Variants in GALNT13 observed in about 807,000 individuals in gnomAD.
GALNT13 encodes the protein polypeptide N-acetylgalactosaminyltransferase 13.
Under a neutral mutation model 64.2 loss-of-function variants are expected in GALNT13, and 28 were observed. The ratio of observed to expected loss-of-function variants is 0.44; its 90% CI spans 0.32 to 0.60. GALNT13 has a LOEUF of 0.60. Ranked by LOEUF, GALNT13 falls within the 20% of genes least tolerant of loss-of-function variation. The probability of loss-of-function intolerance (pLI) is 0.05; values close to 1 mark genes in which losing one functional copy is unlikely to be tolerated. For synonymous variants in GALNT13, 214 were observed against 224.6 expected (o/e 0.95, Z 0.42); for missense variants, 577 against 669.8 (o/e 0.86, Z 1.53).
At chr2:153,373,211 T>G in the GALNT13 span, among the ~76,000 whole-genome samples, 1 of 151,858 alleles carries the variant, frequency 6.6e-6, no homozygotes, top group East Asian at 1.9e-4. Context: ...CAATCATTAC[T>G]TCCTGGGAGA....
At chr2:153,537,344 AC>A in the GALNT13 span, among the ~76,000 whole-genome samples, 2 of 152,194 alleles carry the variant, frequency 1.3e-5, no homozygotes, top group Non-Finnish European at 2.9e-5. Flanking sequence ...TGTGTCAACC[AC>A]CAGGCAAGAG....
At chr2:154,241,018 G>A (rs1265193734) in intron 4 of GALNT13, among the ~76,000 whole-genome samples, 1 of 152,132 alleles carries the variant, frequency 6.6e-6, no homozygotes. Context: ...GCCGGTGCCT[G>A]CTGGTGCATC....
chr2:154,421,965 A>T (rs1345891496), intron 11 of GALNT13, among the ~76,000 whole-genome samples: 1 of 152,084 alleles, frequency 6.6e-6, no homozygotes, highest in Non-Finnish European at 1.5e-5. Context: ...AAAAGTTCTG[A>T]TAAGGACAGG....
At chr2:153,823,496 T>C in the GALNT13 span, among the ~76,000 whole-genome samples, 4 of 152,100 alleles carry the variant, frequency 2.6e-5, no homozygotes, top group African/African-American at 9.6e-5. Flanking sequence ...CTTGACAAAG[T>C]TGACAAAAGC....
At chr2:153,487,619 C>T in the GALNT13 span, among the ~76,000 whole-genome samples, 287 of 152,272 alleles carry the variant, frequency 1.9e-3, 2 homozygotes, top group African/African-American at 6.2e-3. Context: ...GTATGAAGAG[C>T]ATGTAATCCA....
the GALNT13 span, among the ~76,000 whole-genome samples, chr2:153,788,437 A>G: frequency 6.6e-6 from 1 of 151,930 alleles, no homozygotes; most frequent in African/African-American, 2.4e-5. Flanking sequence ...GCCTTACAAG[A>G]GCTCCTAAAA....
chr2:153,513,212 C>G, the GALNT13 span, among the ~76,000 whole-genome samples: 1 of 152,084 alleles, frequency 6.6e-6, no homozygotes, highest in South Asian at 2.1e-4. Flanking sequence ...TCGTAGACAA[C>G]TTATTCATCG....
chr2:154,351,521 A>G (rs1407193381), intron 9 of GALNT13, among the ~76,000 whole-genome samples: 1 of 151,856 alleles, frequency 6.6e-6, no homozygotes, highest in African/African-American at 2.4e-5. Context: ...GTCTCTACTA[A>G]AAATACAAAA....
chr2:153,693,764 T>TG, the GALNT13 span, among the ~76,000 whole-genome samples: 1 of 152,064 alleles, frequency 6.6e-6, no homozygotes, highest in African/African-American at 2.4e-5. Flanking sequence ...GAAGGGAGTT[T>TG]GGGGGAAAGG....
the GALNT13 span, among the ~76,000 whole-genome samples, chr2:153,767,536 A>G: frequency 3.9e-5 from 6 of 152,164 alleles, no homozygotes; most frequent in Non-Finnish European, 8.8e-5. Context: ...ACTGTTTTCC[A>G]TAGAAGTTGA....
the GALNT13 span, among the ~76,000 whole-genome samples, chr2:153,721,434 A>G: frequency 1.4e-5 from 2 of 147,976 alleles, no homozygotes; most frequent in Non-Finnish European, 3.0e-5. Context: ...TAACATCATA[A>G]TGACAGGATC....
the GALNT13 span, among the ~76,000 whole-genome samples, chr2:153,776,680 A>C: frequency 6.6e-6 from 1 of 152,178 alleles, no homozygotes; most frequent in Non-Finnish European, 1.5e-5. Flanking sequence ...TTGTAAAGTG[A>C]ATGTTTTTTA....
the GALNT13 span, among the ~76,000 whole-genome samples, chr2:153,716,019 C>T: frequency 2.0e-5 from 3 of 152,054 alleles, no homozygotes; most frequent in African/African-American, 4.8e-5. Flanking sequence ...TAATGATAAA[C>T]GTTTCATTGG....
At chr2:154,164,202 GA>G (rs1225088251) in intron 4 of GALNT13, among the ~76,000 whole-genome samples, 12 of 151,290 alleles carry the variant, frequency 7.9e-5, no homozygotes, top group South Asian at 2.1e-4. Context: ...ATAGAGCATG[GA>G]AAAAAAAGGG....
the GALNT13 span, among the ~76,000 whole-genome samples, chr2:153,170,168 G>C: frequency 6.6e-6 from 1 of 152,104 alleles, no homozygotes; most frequent in Non-Finnish European, 1.5e-5. Context: ...GGTCAAATTA[G>C]AATCTTTTTA....
chr2:153,852,473 G>A, the GALNT13 span, among the ~76,000 whole-genome samples: 1 of 152,128 alleles, frequency 6.6e-6, no homozygotes, highest in African/African-American at 2.4e-5. Flanking sequence ...ATCCTAAAAT[G>A]TTTATGTATT....
the GALNT13 span, among the ~76,000 whole-genome samples, chr2:153,300,039 A>G: frequency 1.3e-5 from 2 of 152,174 alleles, no homozygotes; most frequent in East Asian, 1.9e-4. Context: ...GCTGTTCTAG[A>G]GCTCAGAAGG....
At chr2:153,561,926 GAAT>G in the GALNT13 span, among the ~76,000 whole-genome samples, 5 of 151,914 alleles carry the variant, frequency 3.3e-5, no homozygotes, top group African/African-American at 9.7e-5. Context: ...CAAACATACA[GAAT>G]AATAATTTCA....
At chr2:153,531,139 C>T in the GALNT13 span, among the ~76,000 whole-genome samples, 316 of 152,290 alleles carry the variant, frequency 2.1e-3, no homozygotes, top group African/African-American at 7.2e-3. Context: ...AACTACCCAT[C>T]TGTATCAGTT....
Sources: gnomAD v4.1 joint callset for allele counts (sites outside exome capture counted in the v4.1 genomes callset) on GRCh38, gnomAD v4.1.1 for gene constraint, MANE v1.5 for transcripts, NCBI Gene and HGNC (gene_info 2026-07-23, HGNC 2026-07-21) for gene names.